The following UBE2QL1 variants were observed in gnomAD, a reference collection of about 807,000 sequenced individuals.
The protein encoded by UBE2QL1 is ubiquitin-conjugating enzyme E2Q-like protein 1.
In UBE2QL1, 5 loss-of-function variants were observed where a neutral mutation model predicts 12.6. The ratio of observed to expected loss-of-function variants is 0.40; its 90% CI spans 0.21 to 0.83. UBE2QL1 has a LOEUF of 0.83. Among genes scored for constraint, UBE2QL1 ranks in the 40% least tolerant of loss-of-function variants. UBE2QL1 has a pLI of 0.37. For missense variants in UBE2QL1, 99 were observed against 222.6 expected (o/e 0.44, Z 3.53); for synonymous variants, 96 against 94.5 (o/e 1.02, Z -0.10).
intron 1 of UBE2QL1, among the ~76,000 whole-genome samples, chr5:6,467,621 C>G (rs1273238699): frequency 2.0e-5 from 3 of 152,072 alleles, no homozygotes; most frequent in Non-Finnish European, 4.4e-5. Context: ...TGAGAGGACA[C>G]AGCTCAGCCC....
intron 1 of UBE2QL1, among the ~76,000 whole-genome samples, chr5:6,487,924 C>A (rs6865363): frequency 6.6e-6 from 1 of 152,102 alleles, no homozygotes; most frequent in Admixed American, 6.5e-5. Flanking sequence ...GTCAGAAAAA[C>A]GGCTCTGTGA....
At chr5:6,485,909 A>G (rs939657180) in intron 1 of UBE2QL1, among the ~76,000 whole-genome samples, 1 of 152,236 alleles carries the variant, frequency 6.6e-6, no homozygotes, top group Non-Finnish European at 1.5e-5. Flanking sequence ...TAAATGCAAT[A>G]TACTGAATTT....
Position 6,479,585 on chromosome 5 carries a change from G to T in UBE2QL1, c.355-11633G>T, listed in dbSNP as rs1734317292. Reference sequence around the variant, plus strand: ...TCTGTCCATCATAAAAAGGGCAGAGGCTGTGCTCATTAAGACTTTCCAGAA... The same window carrying T: ...TCTGTCCATCATAAAAAGGGCAGAGTCTGTGCTCATTAAGACTTTCCAGAA... On this transcript the variant is annotated intron_variant, in intron 1 of 1. Transcript: ENST00000399816. The surrounding 1 kb of genome is among the most constrained non-coding windows in gnomAD (Gnocchi z 4.2). Among the ~76,000 whole-genome samples the T allele has an allele frequency of 6.6e-6, 1 of 152,192 alleles. No homozygotes were observed. Among genetic ancestry groups the T allele is most frequent in the African/African-American group, 2.4e-5 (1 of 41,446 alleles).
At chr5:6,463,690 C>T (rs189759234) in intron 1 of UBE2QL1, among the ~76,000 whole-genome samples, 2,225 of 146,756 alleles carry the variant, frequency 0.015, 30 homozygotes, top group Non-Finnish European at 0.024. Context: ...TGCAGTGGCG[C>T]GATCTCGGCT....
At chr5:6,452,229 TA>T (rs1360843226) in intron 1 of UBE2QL1, among the ~76,000 whole-genome samples, 1 of 152,218 alleles carries the variant, frequency 6.6e-6, no homozygotes, top group Non-Finnish European at 1.5e-5. Context: ...AGCTTAGGTT[TA>T]TCACATCATA....
In UBE2QL1 at chr5:6,463,227, G is replaced by A. The variant is rs78090192; in HGVS notation, c.354+13980G>A. On this transcript the variant is annotated intron_variant, in intron 1 of 1. Transcript: ENST00000399816. ...AAAAATATTTCAAATTGTGCTAGAA[G>A]GTTTCACCCTGAAATGGGGTGAGTA... Among the ~76,000 whole-genome samples the A allele has an allele frequency of 7.3e-3, 1,116 of 152,290 alleles. 15 individuals carry two copies. Among genetic ancestry groups the A allele is most frequent in the African/African-American group, 0.025 (1,056 of 41,554 alleles).
chr5:6,464,990 CTT>C (rs763783935), intron 1 of UBE2QL1, among the ~76,000 whole-genome samples: 21 of 142,470 alleles, frequency 1.5e-4, no homozygotes, highest in Non-Finnish European at 9.3e-5. Context: ...AGTTTTTATT[CTT>C]TTTTTTTTTT....
intron 1 of UBE2QL1, among the ~76,000 whole-genome samples, chr5:6,475,910 C>G (rs566937848): frequency 6.6e-6 from 1 of 152,314 alleles, no homozygotes; most frequent in South Asian, 2.1e-4. Flanking sequence ...CAGAAACGCA[C>G]AGGCTCTCCA....
intron 1 of UBE2QL1, among the ~76,000 whole-genome samples, chr5:6,475,607 G>A (rs1303386523): frequency 2.0e-5 from 3 of 151,822 alleles, no homozygotes; most frequent in African/African-American, 7.3e-5. Context: ...ACTGCTGGGT[G>A]GAGTCTCACT....
chr5:6,484,108 GGGGATGCATA>G (rs1295306207), intron 1 of UBE2QL1, among the ~76,000 whole-genome samples: 3 of 152,176 alleles, frequency 2.0e-5, no homozygotes, highest in Non-Finnish European at 1.5e-5. Context: ...GCTAGTCATG[GGGGATGCATA>G]TGAATGAGTC....
chr5:6,464,336 A>G (rs894137026), intron 1 of UBE2QL1, among the ~76,000 whole-genome samples: 1 of 152,206 alleles, frequency 6.6e-6, no homozygotes, highest in Non-Finnish European at 1.5e-5. Flanking sequence ...TTACAATCCC[A>G]TATCAAAAAA....
chr5:6,494,820 C>A lies in UBE2QL1; in HGVS notation c.*3471C>A, dbSNP rs885469. 7 of 152,086 alleles carry A rather than the reference C, an allele frequency of 4.6e-5. No homozygotes were observed. Among genetic ancestry groups the A allele is most frequent in the Admixed American group, 3.9e-4 (6 of 15,278 alleles). The allele number at this position is 152,086 out of a possible 1,614,324, so 9.4% of individuals were successfully genotyped here. ...GACCCAAAAATCAACCAATAACTAA[C>A]TGGCCATCTCTCCACTCACTCAGCA... On this transcript the variant is annotated 3_prime_UTR_variant, in exon 2 of 2. Coordinates refer to ENST00000399816, the MANE Select transcript of UBE2QL1 (RefSeq NM_001145161.3).
chr5:6,479,572 A>T lies in UBE2QL1; in HGVS notation c.355-11646A>T, dbSNP rs1734317129. On this transcript the variant is annotated intron_variant, in intron 1 of 1. Coordinates refer to ENST00000399816, the MANE Select transcript of UBE2QL1 (RefSeq NM_001145161.3). The surrounding 1 kb of genome is among the most constrained non-coding windows in gnomAD (Gnocchi z 4.2). ...ATCCTCCGGTGAGTCTGTCCATCAT[A>T]AAAAGGGCAGAGGCTGTGCTCATTA... Among the ~76,000 whole-genome samples, 1 of 152,216 alleles carries T rather than the reference A, an allele frequency of 6.6e-6. No homozygotes were observed.
rs997707288 is a variant in UBE2QL1 at position 6,495,998 on chromosome 5, C to T, written c.*4649C>T. 2.0e-5 allele frequency among the ~76,000 whole-genome samples: 3 copies of T among 152,128 alleles called. No homozygotes were observed. The highest frequency in any genetic ancestry group is 6.5e-5 in the Admixed American group (1 of 15,272). ...TGTTAGTTTGGTTCCAGAAGAAACA[C>T]GGGAGCAAAGTGTGCTGGCCAAACA... is the stretch of plus-strand genomic sequence containing the variant. On this transcript the variant is annotated 3_prime_UTR_variant, in exon 2 of 2. Coordinates refer to ENST00000399816, the MANE Select transcript of UBE2QL1 (RefSeq NM_001145161.3).
Position 6,481,127 on chromosome 5 carries a change from C to T in UBE2QL1, c.355-10091C>T, listed in dbSNP as rs1734350134. ...TTTTCAAGAGTTGGCCCGGAGCGTGCTTCTCGGGCCATTTCACCTGTGCAC... is the reference window on the plus strand; with the variant it reads ...TTTTCAAGAGTTGGCCCGGAGCGTGTTTCTCGGGCCATTTCACCTGTGCAC... On this transcript the variant is annotated intron_variant, in intron 1 of 1. Transcript: ENST00000399816. The surrounding 1 kb of genome is among the most constrained non-coding windows in gnomAD (Gnocchi z 4.5). Among the ~76,000 whole-genome samples, 1 of 152,176 alleles carries T rather than the reference C, an allele frequency of 6.6e-6. No individual in the cohort carries two copies. The highest frequency in any genetic ancestry group is 1.5e-5 in the Non-Finnish European group (1 of 68,032).
intron 1 of UBE2QL1, among the ~76,000 whole-genome samples, chr5:6,461,543 A>ACCCCCCCCCCCCCCCCCCC (rs71953375): frequency 4.7e-5 from 2 of 42,182 alleles, no homozygotes; most frequent in Non-Finnish European, 9.9e-5. Context: ...AGCACCCACC[A>ACCCCCCCCCCCCCCCCCCC]CCCCCCCCCG....
chr5:6,456,892 G>C (rs1240663873), intron 1 of UBE2QL1, among the ~76,000 whole-genome samples: 1 of 151,978 alleles, frequency 6.6e-6, no homozygotes, highest in South Asian at 2.1e-4. Context: ...GCTGGGCATG[G>C]TCAGGGAGCC....
chr5:6,489,585 T>C (rs1273494322), intron 1 of UBE2QL1, among the ~76,000 whole-genome samples: 3 of 152,204 alleles, frequency 2.0e-5, no homozygotes, highest in Admixed American at 1.3e-4. Context: ...GTGTGTCCAC[T>C]GTTGAAAAGA....
Position 6,491,946 on chromosome 5 carries a change from G to A in UBE2QL1, c.*597G>A, listed in dbSNP as rs574160525. 6.6e-6 allele frequency: 1 copy of A among 152,350 alleles called. No homozygotes were observed. Among genetic ancestry groups the A allele is most frequent in the Non-Finnish European group, 1.5e-5 (1 of 68,076 alleles). 9.4% of individuals were successfully genotyped at this position (152,350 alleles called of 1,614,324 possible). A position where few individuals can be genotyped will look rare whatever the true frequency, so the allele number is the denominator to read the frequency against. On this transcript the variant is annotated 3_prime_UTR_variant, in exon 2 of 2. Coordinates refer to ENST00000399816, the MANE Select transcript of UBE2QL1 (RefSeq NM_001145161.3). ...GAAAACACAAATTTAACATTGCCAGGTTCTAGTGATTTAAAACCACAACTG... is the reference window on the plus strand; with the variant it reads ...GAAAACACAAATTTAACATTGCCAGATTCTAGTGATTTAAAACCACAACTG...
Sources: gnomAD v4.1 joint callset for allele counts (sites outside exome capture counted in the v4.1 genomes callset) on GRCh38, gnomAD v4.1.1 for gene constraint, Gnocchi (gnomAD v3.1) non-coding constraint, MANE v1.5 for transcripts, NCBI Gene and HGNC (gene_info 2026-07-23, HGNC 2026-07-21) for gene names.